Variants in MACROD2 observed in about 807,000 individuals in gnomAD.
The protein encoded by MACROD2 is ADP-ribose glycohydrolase MACROD2.
A neutral mutation model predicts 70.4 loss-of-function variants in MACROD2; 36 were observed. The observed-to-expected ratio is 0.51, with a 90% CI of 0.39 to 0.68. The LOEUF (loss-of-function observed/expected upper bound fraction) is 0.68. MACROD2 is among the 30% of genes least tolerant of loss of function. The probability of loss-of-function intolerance (pLI) is 0.00; values close to 1 mark genes in which losing one functional copy is unlikely to be tolerated. For synonymous variants in MACROD2, 172 were observed against 178.8 expected (o/e 0.96, Z 0.30); for missense variants, 496 against 538.4 (o/e 0.92, Z 0.78).
At position 14,104,696 on chromosome 20, in the gene MACROD2, G is replaced by A. The variant is rs143227856; in HGVS notation, c.271+18968G>A. Among the ~76,000 whole-genome samples, 115 of 152,266 alleles carry A rather than the reference G, an allele frequency of 7.6e-4. 1 individual carries two copies. Among genetic ancestry groups the A allele is most frequent in the African/African-American group, 2.6e-3 (109 of 41,544 alleles). On this transcript the variant is annotated intron_variant, in intron 3 of 17. Coordinates refer to ENST00000684519, the MANE Select transcript of MACROD2 (RefSeq NM_001351661.2). ...ATCCATTGGTGACGTATAAGCCAGA[G>A]CACTTCTCCCTTTGCATCCCCAGCT...
At chr20:14,573,771 T>A (rs796409590) in intron 4 of MACROD2, among the ~76,000 whole-genome samples, 6 of 152,226 alleles carry the variant, frequency 3.9e-5, no homozygotes, top group African/African-American at 1.4e-4. Flanking sequence ...AAAAATTAGA[T>A]CTTTACACCA....
intron 5 of MACROD2, among the ~76,000 whole-genome samples, chr20:14,897,517 A>G (rs2073844919): frequency 6.6e-6 from 1 of 152,194 alleles, no homozygotes; most frequent in African/African-American, 2.4e-5. Context: ...TAGTTGTATA[A>G]TAGAACTACA....
rs757795590 is a variant in MACROD2, at chr20:15,885,778, G to A, written c.742G>A (p.Glu248Lys). 8.1e-6 allele frequency: 12 copies of A among 1,489,762 alleles called. No individual in the cohort carries two copies. The highest frequency in any genetic ancestry group is 2.6e-5 in the Admixed American group (1 of 38,450). 92.3% of individuals were successfully genotyped at this position (1,489,762 alleles called of 1,614,324 possible). The change falls in exon 10 of 18, where the codon GAA becomes AAA. Residue 248 changes from glutamate (E) to lysine (K), a missense_variant. Physicochemically the swap from Glu to Lys is moderately conservative, Grantham distance 56 (BLOSUM62 1). Coordinates refer to ENST00000684519, the MANE Select transcript of MACROD2 (RefSeq NM_001351661.2). ...TTTTTTAACAGACGATAATAATGAA[G>A]AAGAAGAGGATGTTGAAATGAAAGA... ...EFFSVDDNNEEEEDVEMKEDS... is the reference protein window; with the variant it reads ...EFFSVDDNNEKEEDVEMKEDS...
intron 2 of MACROD2, among the ~76,000 whole-genome samples, chr20:14,068,213 T>C (rs1032165249): frequency 1.3e-5 from 2 of 152,160 alleles, no homozygotes; most frequent in African/African-American, 2.4e-5. Context: ...GCTCCAACTT[T>C]CATGAAGCTT....
At chr20:15,632,359 A>G (rs1162605212) in intron 8 of MACROD2, among the ~76,000 whole-genome samples, 1 of 152,240 alleles carries the variant, frequency 6.6e-6, no homozygotes, top group Non-Finnish European at 1.5e-5. Context: ...TTAGTAATGC[A>G]AACAAAATGT....
At chr20:15,233,517 G>A (rs554502135) in intron 6 of MACROD2, among the ~76,000 whole-genome samples, 1 of 152,128 alleles carries the variant, frequency 6.6e-6, no homozygotes, top group Non-Finnish European at 1.5e-5. Flanking sequence ...ATACTGATTT[G>A]GGCGTAAGAT....
chr20:15,591,115 C>G (rs2048673613), intron 8 of MACROD2, among the ~76,000 whole-genome samples: 1 of 152,160 alleles, frequency 6.6e-6, no homozygotes, highest in Non-Finnish European at 1.5e-5. Context: ...GATTGATGGT[C>G]TTCATGGTCT....
intron 5 of MACROD2, among the ~76,000 whole-genome samples, chr20:14,854,168 T>C (rs757002843): frequency 6.6e-6 from 1 of 152,146 alleles, no homozygotes; most frequent in Non-Finnish European, 1.5e-5. Context: ...GTCGATAGCT[T>C]TCTAGCACAT....
At chr20:14,688,786 C>T (rs1029034652) in intron 5 of MACROD2, among the ~76,000 whole-genome samples, 5 of 152,178 alleles carry the variant, frequency 3.3e-5, no homozygotes, top group Non-Finnish European at 7.4e-5. Context: ...TTGTCTATCT[C>T]AGTCAGTTCC....
At chr20:15,712,772 TA>T (rs2050646928) in intron 8 of MACROD2, among the ~76,000 whole-genome samples, 4 of 152,330 alleles carry the variant, frequency 2.6e-5, no homozygotes, top group South Asian at 4.1e-4. Context: ...ATCCATATAC[TA>T]GCCCTTTGAC....
At chr20:14,529,632 T>C (rs2085277913) in intron 4 of MACROD2, among the ~76,000 whole-genome samples, 1 of 152,210 alleles carries the variant, frequency 6.6e-6, no homozygotes, top group Non-Finnish European at 1.5e-5. Context: ...TGAAATGACA[T>C]GATTGCCAAG....
intron 8 of MACROD2, among the ~76,000 whole-genome samples, chr20:15,550,933 C>G (rs1175120077): frequency 1.3e-5 from 2 of 152,124 alleles, no homozygotes; most frequent in Non-Finnish European, 2.9e-5. Context: ...TATCTCAATA[C>G]TGAAGTGAAA....
intron 4 of MACROD2, among the ~76,000 whole-genome samples, chr20:14,521,075 TAATA>T (rs2085164444): frequency 6.6e-6 from 1 of 152,210 alleles, no homozygotes; most frequent in African/African-American, 2.4e-5. Flanking sequence ...AGCACAGACT[TAATA>T]AAAGTGCATT....
chr20:14,669,021 G>A (rs1189571385), intron 4 of MACROD2, among the ~76,000 whole-genome samples: 1 of 152,056 alleles, frequency 6.6e-6, no homozygotes, highest in Admixed American at 6.6e-5. Context: ...ATGTCAAAAG[G>A]AATAATTGTA....
chr20:14,184,459 G>C (rs1297175123), intron 3 of MACROD2, among the ~76,000 whole-genome samples: 6 of 151,172 alleles, frequency 4.0e-5, no homozygotes, highest in Admixed American at 2.0e-4. Flanking sequence ...GTCAGGTAGT[G>C]TCATGCCCTC....
At chr20:15,553,432 A>G (rs909292346) in intron 8 of MACROD2, among the ~76,000 whole-genome samples, 6 of 152,212 alleles carry the variant, frequency 3.9e-5, no homozygotes, top group Middle Eastern at 6.8e-3. Flanking sequence ...TTGTTTGTTT[A>G]TTTGTTCGAG....
At chr20:14,686,971 T>G (rs2071010142) in intron 5 of MACROD2, among the ~76,000 whole-genome samples, 1 of 152,164 alleles carries the variant, frequency 6.6e-6, no homozygotes, top group African/African-American at 2.4e-5. Context: ...AGAGCAGTTC[T>G]CTTTGTAACT....
chr20:15,672,374 C>CACAG (rs1336177086), intron 8 of MACROD2, among the ~76,000 whole-genome samples: 1 of 151,790 alleles, frequency 6.6e-6, no homozygotes, highest in Non-Finnish European at 1.5e-5. Flanking sequence ...CACACACACA[C>CACAG]ACACACACAC....
rs191342361 is a variant in MACROD2, at chr20:15,176,535, G to A, written c.419-53405G>A. On this transcript the variant is annotated intron_variant, in intron 5 of 17. Coordinates refer to ENST00000684519, the MANE Select transcript of MACROD2 (RefSeq NM_001351661.2). The stretch of plus-strand genomic sequence containing the variant: ...GCTGCAGGAAGGAGCTACTGCCTAC[G>A]AGTCTCCTCTCTGCTGAGAGCTGGA... Among the ~76,000 whole-genome samples, 442 of 152,176 alleles carry A rather than the reference G, an allele frequency of 2.9e-3. 2 individuals are homozygous for A. The highest frequency in any genetic ancestry group is 6.2e-3 in the South Asian group (30 of 4,810).
Sources: allele counts gnomAD v4.1 joint callset (sites outside exome capture counted in the v4.1 genomes callset), GRCh38; gene constraint gnomAD v4.1.1; transcripts MANE v1.5; gene names NCBI Gene and HGNC (gene_info 2026-07-23, HGNC 2026-07-21).